TTN: variants seen among roughly 807,000 people sequenced by gnomAD.
TTN encodes titin.
A neutral mutation model predicts 3,223.0 loss-of-function variants in TTN; 1,525 were observed. The observed-to-expected ratio is 0.47, with a 90% CI of 0.45 to 0.49. TTN has a LOEUF of 0.49. Among genes scored for constraint, TTN ranks in the 20% least tolerant of loss-of-function variants. TTN has a pLI of 0.00. For missense variants in TTN, 40,786 were observed against 43,424.0 expected (o/e 0.94, Z 5.40); for synonymous variants, 14,094 against 15,161.0 (o/e 0.93, Z 5.17).
chr2:178,768,863 T>C lies in TTN; in HGVS notation c.8973A>G (p.Thr2991=), dbSNP rs377447652. ...TGTAAGAGATGCCTTCATAGTTCAC[T>C]GTCACCTCAAAAGTAATAGTGTCTT... The part of the protein sequence containing the change: ...EEKDTITFEV[T]VNYEGISYKW... The change falls in exon 38 of 363, where the codon ACA becomes ACG. Residue 2991 remains threonine (T), a synonymous_variant. Coordinates refer to ENST00000589042, the MANE Select transcript of TTN (RefSeq NM_001267550.2). The C allele has an allele frequency of 6.2e-6, 10 of 1,614,114 alleles. No homozygotes were observed. The highest frequency in any genetic ancestry group is 2.2e-5 in the East Asian group (1 of 44,828).
At position 178,782,539 on chromosome 2, in the gene TTN, C is replaced by T. The variant is rs766262565; in HGVS notation, c.3164G>A (p.Arg1055His). ...VTEKFTTEEK[R>H]FVESRDVVMT... ...GCTACTAATTAGCAAAATATTTTAC[C>T]GTTTCTCTTCTGTAGTAAATTTCTC... The change falls in exon 19 of 363, where the codon CGC (arginine) becomes CAC (histidine). Residue 1055 changes from arginine (R) to histidine (H), a missense_variant and splice_region_variant. Physicochemically the swap from Arg to His is conservative, Grantham distance 29. Coordinates refer to ENST00000589042, the MANE Select transcript of TTN (RefSeq NM_001267550.2). 3.7e-6 allele frequency: 6 copies of T among 1,613,842 alleles called. No homozygotes were observed. The highest frequency in any genetic ancestry group is 1.7e-5 in the Admixed American group (1 of 60,000).
In TTN at chr2:178,634,096, C is replaced by A. The variant is rs2060130246; in HGVS notation, c.42416-13G>T. 1 of 1,611,246 alleles carries A rather than the reference C, an allele frequency of 6.2e-7. No homozygotes were observed. Among genetic ancestry groups the A allele is most frequent in the Non-Finnish European group, 8.5e-7 (1 of 1,179,198 alleles). On this transcript the variant is annotated splice_polypyrimidine_tract_variant and intron_variant, in intron 230 of 362. Coordinates refer to ENST00000589042, the MANE Select transcript of TTN (RefSeq NM_001267550.2). The surrounding 1 kb of genome is among the most constrained non-coding windows in gnomAD (Gnocchi z 4.6). ...TTCAGTCTTATACCTGAAATGCAAG[C>A]ATAGATAATGCCTCAGAAACACAAT... is the stretch of plus-strand genomic sequence containing the variant.
Position 178,678,168 on chromosome 2 carries a change from T to C in TTN, c.33951A>G (p.Lys11317=). 2 of 1,611,560 alleles carry C rather than the reference T, an allele frequency of 1.2e-6. No individual in the cohort carries two copies. Among genetic ancestry groups the C allele is most frequent in the South Asian group, 1.1e-5 (1 of 90,408 alleles). ...VPKKLIPEEK[K]PTPVPKKVEA... ...CCACTTTTTTCGGAACAGGTGTTGGTTTCTTTTCTTCTGGGATGAGCTTCT... is the reference window on the plus strand; with the variant it reads ...CCACTTTTTTCGGAACAGGTGTTGGCTTCTTTTCTTCTGGGATGAGCTTCT... Residue 11317 remains lysine (K), a synonymous_variant, in exon 145 of 363, where the codon AAA becomes AAG. Coordinates refer to ENST00000589042, the MANE Select transcript of TTN (RefSeq NM_001267550.2).
In TTN at chr2:178,543,086, G is replaced by A. The variant is rs773279450; in HGVS notation, c.96887C>T (p.Thr32296Ile). ...GTACATACCTCTGAGGTCTTGTACA[G>A]TCACGGCTGTGACAGTCTCTCTTGG... ...SEPRETVTAVTVQDLRVLPTI... is the reference protein window; with the variant it reads ...SEPRETVTAVIVQDLRVLPTI... The change falls in exon 347 of 363, where the codon ACT (threonine) becomes ATT (isoleucine). Residue 32296 changes from threonine to isoleucine, a missense_variant. Transcript: ENST00000589042. 2 of 1,592,662 alleles carry A rather than the reference G, an allele frequency of 1.3e-6. No homozygotes were observed. The highest frequency in any genetic ancestry group is 1.4e-5 in the African/African-American group (1 of 73,632).
chr2:178,635,130 A>G (rs770299623), intron 228 of TTN, 35 bp downstream of exon 228: 2 of 1,607,036 alleles, frequency 1.2e-6, no homozygotes, highest in Middle Eastern at 1.7e-4. Context: ...TGGTTATTTT[A>G]TATGACTAAC....
chr2:178,759,875 A>G (rs1399742353), intron 43 of TTN, among the ~76,000 whole-genome samples: 1 of 152,220 alleles, frequency 6.6e-6, no homozygotes, highest in African/African-American at 2.4e-5. Flanking sequence ...AGCTATTTCT[A>G]TATAAGGATT....
rs1333353714 is a variant in TTN at position 178,564,793 on chromosome 2, T to C, written c.81339A>G (p.Glu27113=). ...ACTTGACCCATAAAATACTGTTCTT[T>C]TCTTTCTGTTCAAGATGGTAGCCAA... The part of the protein sequence containing the change: ...KIIGYHLEQK[E]KNSILWVKLN... The change falls in exon 326 of 363, where the codon GAA becomes GAG. Residue 27113 remains glutamate (E), a synonymous_variant. Transcript: ENST00000589042. 3 of 1,612,204 alleles carry C rather than the reference T, an allele frequency of 1.9e-6. No homozygotes were observed. Among genetic ancestry groups the C allele is most frequent in the Non-Finnish European group, 2.5e-6 (3 of 1,179,126 alleles).
chr2:178,644,613 A>C lies in TTN; in HGVS notation c.40412T>G (p.Ile13471Ser). ...VKEKIFQLKA[I>S]PKKKVPEKPQ... ...TTTTTCAGGAACTTTCTTCTTTGGA[A>C]TAGCTTTAAAGAATATGATTTTACT... is the stretch of plus-strand genomic sequence containing the variant. The change falls in exon 218 of 363, where the codon ATT (isoleucine) becomes AGT (serine). Residue 13471 changes from isoleucine (I) to serine (S), a missense_variant. Ile to Ser is a moderately radical substitution (Grantham distance 142). Coordinates refer to ENST00000589042, the MANE Select transcript of TTN (RefSeq NM_001267550.2). The C allele has an allele frequency of 6.4e-7, 1 of 1,563,334 alleles. No homozygotes were observed. Among genetic ancestry groups the C allele is most frequent in the Non-Finnish European group, 8.6e-7 (1 of 1,156,970 alleles).
rs781206839 is a variant in TTN, at chr2:178,740,185, C to A, written c.13048G>T (p.Val4350Leu). The change falls in exon 48 of 363, where the codon GTG (valine) becomes TTG (leucine). Residue 4350 changes from valine (V) to leucine (L), a missense_variant. Physicochemically the swap from Val to Leu is conservative, Grantham distance 32 (BLOSUM62 1). Transcript: ENST00000589042. Reference sequence around the variant, plus strand: ...TCAATGATTTGGTCTGGGGGCATCACCACGTTGTCAGAATGCTCTTCTTTG... The same window carrying A: ...TCAATGATTTGGTCTGGGGGCATCAACACGTTGTCAGAATGCTCTTCTTTG... ...LLKEEHSDNV[V>L]MPPDQIIESK... The A allele has an allele frequency of 1.9e-6, 3 of 1,613,488 alleles. No homozygotes were observed. Among genetic ancestry groups the A allele is most frequent in the Non-Finnish European group, 2.5e-6 (3 of 1,179,666 alleles).
At position 178,715,290 on chromosome 2, in the gene TTN, G is replaced by A. The variant is rs114402454; in HGVS notation, c.25922-26C>T. The A allele has an allele frequency of 1.3e-5, 20 of 1,575,814 alleles. No homozygotes were observed. The East Asian group carries it at 2.5e-4, about 19-fold the overall frequency. The stretch of plus-strand genomic sequence containing the variant: ...CTAAAATTGGAAAAAAGGAAAATAC[G>A]GATGTATTCTGTAAGTATATAGTTA... On this transcript the variant is annotated intron_variant, in intron 89 of 362. Coordinates refer to ENST00000589042, the MANE Select transcript of TTN (RefSeq NM_001267550.2).
At chr2:178,765,449 T>G (rs2090204164) in intron 41 of TTN, among the ~76,000 whole-genome samples, 1 of 152,166 alleles carries the variant, frequency 6.6e-6, no homozygotes, top group Non-Finnish European at 1.5e-5. Context: ...ACCCAGAAAT[T>G]AGAAGAAATG....
intron 278 of TTN, among the ~76,000 whole-genome samples, chr2:178,606,732 GATATA>G (rs1183044622): frequency 1.3e-5 from 2 of 151,876 alleles, no homozygotes; most frequent in African/African-American, 2.4e-5. Flanking sequence ...CTACTGGAGA[GATATA>G]ATATGTCTAA....
chr2:178,740,346 G>A lies in TTN; in HGVS notation c.12887C>T (p.Ser4296Leu), dbSNP rs727503657. 5 of 1,613,732 alleles carry A rather than the reference G, an allele frequency of 3.1e-6. No individual in the cohort carries two copies. The African/African-American group carries it at 4.0e-5, about 13-fold the overall frequency. Residue 4296 changes from serine to leucine, a missense_variant, in exon 48 of 363, where the codon TCA (serine) becomes TTA (leucine). Physicochemically the swap from Ser to Leu is moderately radical, Grantham distance 145. Transcript: ENST00000589042. ...CAAAATTTTACCTCCTTCTGTGCAT[G>A]AGTGTTCTGAAGGGACTAGGGGCTC... is the stretch of plus-strand genomic sequence containing the variant. ...NYEPLVPSEH[S>L]CTEGGKILIE...
In TTN at chr2:178,547,165, G is replaced by T. The variant is rs758766295; in HGVS notation, c.94360C>A (p.Leu31454Ile). 4 of 1,613,682 alleles carry T rather than the reference G, an allele frequency of 2.5e-6. No individual in the cohort carries two copies. The highest frequency in any genetic ancestry group is 8.5e-7 in the Non-Finnish European group (1 of 1,179,794). Reference protein sequence around the residue: ...WVEKKERNTILWVKENKVPCL... With the variant: ...WVEKKERNTIIWVKENKVPCL... ...GGCACTTTGTTTTCTTTCACCCAAA[G>T]AATTGTATTACGTTCTTTCTTCTCA... The change falls in exon 340 of 363, where the codon CTT becomes ATT. Residue 31454 changes from leucine to isoleucine, a missense_variant. Transcript: ENST00000589042.
intron 120 of TTN, 106 bp from the exon 121 acceptor site, chr2:178,692,205 G>A: frequency 9.0e-7 from 1 of 1,116,756 alleles, no homozygotes; most frequent in East Asian, 2.5e-5. Flanking sequence ...TGAGAATTAG[G>A]AAGTAATTTA....
In TTN at chr2:178,577,349, T is replaced by C; in HGVS notation, c.68986A>G (p.Ile22996Val). ...ATGGAAGATGTTGGGGTTGAAGTTATCTGAGTGATATCTGATGGTCTAATG... is the reference window on the plus strand; with the variant it reads ...ATGGAAGATGTTGGGGTTGAAGTTACCTGAGTGATATCTGATGGTCTAATG... ...KDIRPSDITQ[I>V]TSTPTSSMLT... Residue 22996 changes from isoleucine to valine, a missense_variant, in exon 324 of 363, where the codon ATA (isoleucine) becomes GTA (valine). Ile to Val is a conservative substitution (Grantham distance 29, BLOSUM62 3). Transcript: ENST00000589042. 7 of 1,612,924 alleles carry C rather than the reference T, an allele frequency of 4.3e-6. No individual in the cohort carries two copies. The highest frequency in any genetic ancestry group is 1.3e-5 in the African/African-American group (1 of 74,854).
intron 68 of TTN, 46 bp downstream of exon 68, chr2:178,727,539 C>G: frequency 6.6e-7 from 1 of 1,523,756 alleles, no homozygotes; most frequent in South Asian, 1.4e-5. Flanking sequence ...TACAGAGAAC[C>G]AAAGACACAG....
In TTN at chr2:178,564,224, G is replaced by GGTTTGCC; in HGVS notation, c.81901_81907dup (p.Pro27303ArgfsTer6). ...TTTTGACCAAACAACATCAGGTATA[G>GGTTTGCC]GTTTGCCACGGATGTCGGCTTCAAG... On this transcript the variant is annotated frameshift_variant, in exon 326 of 363. Coordinates refer to ENST00000589042, the MANE Select transcript of TTN (RefSeq NM_001267550.2). LOFTEE classifies it high-confidence loss of function. 6.2e-7 allele frequency: 1 copy of GGTTTGCC among 1,613,418 alleles called. No individual in the cohort carries two copies. The highest frequency in any genetic ancestry group is 1.1e-5 in the South Asian group (1 of 91,090).
chr2:178,562,150 C>G lies in TTN; in HGVS notation c.83982G>C (p.Val27994=). ...GAGTCTGACCATCTTTTCTCCAGTT[C>G]ACAGTAGCTTGAGGTCTTCCTTTGA... The part of the protein sequence containing the change: ...VPFKGRPQAT[V]NWRKDGQTLK... The change falls in exon 326 of 363, where the codon GTG becomes GTC. Residue 27994 remains valine, a synonymous_variant. Transcript: ENST00000589042. The G allele has an allele frequency of 6.2e-7, 1 of 1,613,204 alleles. No homozygotes were observed. The highest frequency in any genetic ancestry group is 1.1e-5 in the South Asian group (1 of 91,014).
Sources: gnomAD v4.1 joint callset for allele counts (sites outside exome capture counted in the v4.1 genomes callset) on GRCh38, gnomAD v4.1.1 for gene constraint, Gnocchi (gnomAD v3.1) non-coding constraint, MANE v1.5 for transcripts, NCBI Gene and HGNC (gene_info 2026-07-23, HGNC 2026-07-21) for gene names.